KCNQ3: variants seen among roughly 807,000 people sequenced by gnomAD.
KCNQ3 encodes the protein potassium voltage-gated channel subfamily KQT member 3.
A neutral mutation model predicts 92.5 loss-of-function variants in KCNQ3; 30 were observed. That is an observed-to-expected ratio of 0.32 (90% CI 0.24 to 0.44). The LOEUF is 0.44. KCNQ3 is among the 20% of genes least tolerant of loss of function. KCNQ3 has a pLI of 1.00. For missense variants in KCNQ3, 913 were observed against 1,140.3 expected, an observed-to-expected ratio of 0.80 and a Z score of 2.87; for synonymous variants, 450 against 468.8, an observed-to-expected ratio of 0.96 and a Z score of 0.52.
intron 1 of KCNQ3, among the ~76,000 whole-genome samples, chr8:132,425,869 G>A (rs1821095764): frequency 6.6e-6 from 1 of 152,216 alleles, no homozygotes; most frequent in African/African-American, 2.4e-5. Flanking sequence ...CCCACTGACT[G>A]GTTACCTCAT....
chr8:132,436,656 T>C (rs574072717), intron 1 of KCNQ3, among the ~76,000 whole-genome samples: 4 of 152,378 alleles, frequency 2.6e-5, no homozygotes, highest in African/African-American at 9.6e-5. Context: ...TCATTTTTGC[T>C]ATGTATTTCA....
chr8:132,296,488 C>G (rs1289961116), intron 1 of KCNQ3, among the ~76,000 whole-genome samples: 1 of 151,818 alleles, frequency 6.6e-6, no homozygotes, highest in Non-Finnish European at 1.5e-5. Flanking sequence ...GTGCTGCACC[C>G]ATTAACTCGT....
rs535592577 is a variant in KCNQ3, at chr8:132,137,871, T to G, written c.1700+14A>C. The G allele has an allele frequency of 1.9e-6, 3 of 1,613,862 alleles. No individual in the cohort carries two copies. Among genetic ancestry groups the G allele is most frequent in the Middle Eastern group, 1.7e-4 (1 of 6,058 alleles). On this transcript the variant is annotated intron_variant, in intron 12 of 14. Transcript: ENST00000388996. ...TTGAGGGGAGCGCAGTCCCTCCAGA[T>G]GTGACTGTCTCACCTCGTCTGAAGG...
At chr8:132,153,210 G>T (rs1351200200) in intron 9 of KCNQ3, among the ~76,000 whole-genome samples, 2 of 152,150 alleles carry the variant, frequency 1.3e-5, no homozygotes, top group Non-Finnish European at 2.9e-5. Context: ...CCATTATCTT[G>T]CAAATCCCGC....
intron 9 of KCNQ3, among the ~76,000 whole-genome samples, chr8:132,154,202 T>TTTTTTTTTTG (rs1825731860): frequency 7.5e-6 from 1 of 133,212 alleles, no homozygotes; most frequent in African/African-American, 3.2e-5. Context: ...AGTTTTTTTT[T>TTTTTTTTTTG]TTTTTTTTTT....
At chr8:132,163,367 G>T in intron 9 of KCNQ3, 101 bp downstream of exon 9, 1 of 958,486 alleles carries the variant, frequency 1.0e-6, no homozygotes, top group Non-Finnish European at 1.7e-6. Flanking sequence ...ACTCTATCTT[G>T]GGACCAGCAT....
chr8:132,156,622 T>C (rs138757924), intron 9 of KCNQ3, among the ~76,000 whole-genome samples: 22 of 152,264 alleles, frequency 1.4e-4, no homozygotes, highest in African/African-American at 2.9e-4. Context: ...AATATCTATC[T>C]CAAAGTCATG....
intron 1 of KCNQ3, among the ~76,000 whole-genome samples, chr8:132,340,324 C>T (rs1818490554): frequency 6.6e-6 from 1 of 152,104 alleles, no homozygotes; most frequent in Non-Finnish European, 1.5e-5. Flanking sequence ...ATGTTTATTG[C>T]AGGACTATTT....
intron 1 of KCNQ3, among the ~76,000 whole-genome samples, chr8:132,303,867 CAT>C (rs1491354586): frequency 3.3e-5 from 5 of 149,522 alleles, no homozygotes; most frequent in African/African-American, 1.2e-4. Flanking sequence ...TATATACACA[CAT>C]ATATATACAC....
At chr8:132,443,012 C>A (rs566322240) in intron 1 of KCNQ3, among the ~76,000 whole-genome samples, 1 of 152,308 alleles carries the variant, frequency 6.6e-6, no homozygotes, top group South Asian at 2.1e-4. Context: ...GGCCATAAAT[C>A]CTCATCTGCG....
intron 1 of KCNQ3, among the ~76,000 whole-genome samples, chr8:132,447,920 A>G (rs1317306239): frequency 3.9e-5 from 6 of 152,228 alleles, no homozygotes; most frequent in African/African-American, 1.2e-4. Flanking sequence ...ACTTATAAAT[A>G]CCATCTCATA....
At chr8:132,440,603 G>A (rs568277659) in intron 1 of KCNQ3, among the ~76,000 whole-genome samples, 43 of 152,296 alleles carry the variant, frequency 2.8e-4, no homozygotes, top group African/African-American at 8.9e-4. Flanking sequence ...GAGGGGTTAC[G>A]TGACCCTTTC....
At chr8:132,250,614 C>T (rs953199253) in intron 1 of KCNQ3, among the ~76,000 whole-genome samples, 6 of 152,128 alleles carry the variant, frequency 3.9e-5, no homozygotes, top group South Asian at 2.1e-4. Context: ...GCACATGAAC[C>T]GATTATAAAA....
chr8:132,435,873 C>T (rs1821381286), intron 1 of KCNQ3, among the ~76,000 whole-genome samples: 1 of 152,082 alleles, frequency 6.6e-6, no homozygotes. Flanking sequence ...CTTTATTCAC[C>T]CCCTAGTCTT....
At chr8:132,182,178 A>C (rs1826804647) in intron 3 of KCNQ3, among the ~76,000 whole-genome samples, 1 of 152,132 alleles carries the variant, frequency 6.6e-6, no homozygotes, top group Non-Finnish European at 1.5e-5. Flanking sequence ...ATACTGATAC[A>C]TCTGCATCAT....
In KCNQ3 at chr8:132,246,802, C is replaced by A. The variant is rs138443750; in HGVS notation, c.387-60621G>T. 1.6e-3 allele frequency among the ~76,000 whole-genome samples: 247 copies of A among 152,308 alleles called. 1 individual carries two copies. Among genetic ancestry groups the A allele is most frequent in the Admixed American group, 3.5e-3 (54 of 15,300 alleles). On this transcript the variant is annotated intron_variant, in intron 1 of 14. Coordinates refer to ENST00000388996, the MANE Select transcript of KCNQ3 (RefSeq NM_004519.4). ...AGCATTACGTCCTCCAGAAAGTCCT[C>A]AGCACCATGGAGAAGTATATTGTAT...
At chr8:132,155,244 G>A (rs1344156601) in intron 9 of KCNQ3, among the ~76,000 whole-genome samples, 1 of 152,166 alleles carries the variant, frequency 6.6e-6, no homozygotes, top group African/African-American at 2.4e-5. Flanking sequence ...AATCTTCAGG[G>A]CTGACAAAAA....
intron 1 of KCNQ3, among the ~76,000 whole-genome samples, chr8:132,394,935 G>T (rs1171201516): frequency 2.0e-5 from 3 of 152,170 alleles, no homozygotes; most frequent in East Asian, 3.9e-4. Context: ...AGCTGCGTCG[G>T]ATGTGGAAAC....
intron 1 of KCNQ3, among the ~76,000 whole-genome samples, chr8:132,382,054 T>C (rs572029812): frequency 6.6e-6 from 1 of 152,384 alleles, no homozygotes; most frequent in East Asian, 1.9e-4. Context: ...TGGCAAGCAA[T>C]GCAGGACTGC....
Sources: allele counts gnomAD v4.1 joint callset (sites outside exome capture counted in the v4.1 genomes callset), GRCh38; gene constraint gnomAD v4.1.1; transcripts MANE v1.5; gene names NCBI Gene and HGNC (gene_info 2026-07-23, HGNC 2026-07-21).